The following MICAL1 variants were observed in gnomAD, a reference collection of about 807,000 sequenced individuals.
The protein encoded by MICAL1 is microtubule associated monooxygenase, calponin and LIM domain containing 1, also known as [F-actin]-monooxygenase MICAL1.
In MICAL1, 95 loss-of-function variants were observed where a neutral mutation model predicts 131.8. That is an observed-to-expected ratio of 0.72 (90% CI 0.61 to 0.86). The LOEUF is 0.86. Ranked by LOEUF, MICAL1 falls within the 40% of genes least tolerant of loss-of-function variation. The pLI is 0.00. For missense variants in MICAL1, 1,292 were observed against 1,380.6 expected, an observed-to-expected ratio of 0.94 and a Z score of 1.02; for synonymous variants, 546 against 554.2, an observed-to-expected ratio of 0.99 and a Z score of 0.21.
At position 109,455,036 on chromosome 6, in the gene MICAL1, T is replaced by A. The variant is rs1474569486; in HGVS notation, c.-44+683A>T. The A allele has an allele frequency of 6.7e-6, 1 of 148,974 alleles. No homozygotes were observed. Among genetic ancestry groups the A allele is most frequent in the Admixed American group, 6.6e-5 (1 of 15,070 alleles). 9.2% of individuals were successfully genotyped at this position (148,974 alleles called of 1,614,324 possible). A position where few individuals can be genotyped will look rare whatever the true frequency, so the allele number is the denominator to read the frequency against. ...CCCTCCCAGGTTCCCCCCTCCCTGA[T>A]CGACCCCTACCCCGCCCCGCCCCCT... On this transcript the variant is annotated intron_variant, in intron 1 of 24. Coordinates refer to ENST00000358807, the MANE Select transcript of MICAL1 (RefSeq NM_022765.4). The surrounding 1 kb of genome is among the most constrained non-coding windows in gnomAD (Gnocchi z 4.7).
At chr6:109,447,034 G>A in intron 17 of MICAL1, 39 bp downstream of exon 17, 2 of 1,604,744 alleles carry the variant, frequency 1.2e-6, no homozygotes, top group Non-Finnish European at 1.7e-6. Context: ...AGCAGGGCCA[G>A]GCCCAGAGTC....
At position 109,454,019 on chromosome 6, in the gene MICAL1, C is replaced by A. The variant is rs1410552326; in HGVS notation, c.178G>T (p.Ala60Ser). Reference protein sequence around the residue: ...KIKDQLNYWSAKSLWTKLDKR... With the variant: ...KIKDQLNYWSSKSLWTKLDKR... ...TCCAGCTTGGTCCACAGTGACTTGG[C>A]GCTCCAGTAGTTGAGCTGGTCCTTG... The change falls in exon 2 of 25, where the codon GCC becomes TCC. Residue 60 changes from alanine to serine, a missense_variant. By Grantham distance (99) the Ala-to-Ser change is moderately conservative. Transcript: ENST00000358807. 7.4e-6 allele frequency: 12 copies of A among 1,614,020 alleles called. No homozygotes were observed. The highest frequency in any genetic ancestry group is 1.0e-5 in the Non-Finnish European group (12 of 1,180,044).
upstream of MICAL1, among the ~76,000 whole-genome samples, chr6:109,456,146 C>T (rs890685911): frequency 6.6e-6 from 1 of 152,142 alleles, no homozygotes; most frequent in Non-Finnish European, 1.5e-5. Context: ...GGCTCCTTGC[C>T]GGTGCTTGCG....
chr6:109,451,435 TGA>T (rs1000628974), intron 7 of MICAL1, among the ~76,000 whole-genome samples, 163 bp downstream of exon 7: 1 of 152,196 alleles, frequency 6.6e-6, no homozygotes, highest in African/African-American at 2.4e-5. Flanking sequence ...ATTACAGGCA[TGA>T]GCCACCATGC....
chr6:109,459,336 T>G (rs982174663), upstream of MICAL1, among the ~76,000 whole-genome samples: 1 of 152,040 alleles, frequency 6.6e-6, no homozygotes, highest in Non-Finnish European at 1.5e-5. Context: ...CAGGAGGTGG[T>G]AGAAAGGATC....
At chr6:109,444,578 C>T in intron 24 of MICAL1, 147 bp downstream of exon 24, 1 of 1,071,318 alleles carries the variant, frequency 9.3e-7, no homozygotes, top group Non-Finnish European at 1.4e-6. Flanking sequence ...TGAGAAGGGG[C>T]TTTGGAGCCC....
At position 109,445,080 on chromosome 6, in the gene MICAL1, C is replaced by A. The variant is rs920833826; in HGVS notation, c.2882-85G>T. On this transcript the variant is annotated intron_variant, in intron 22 of 24. Coordinates refer to ENST00000358807, the MANE Select transcript of MICAL1 (RefSeq NM_022765.4). ...TACAGGCTTAGGGGAGACAGGAGAG[C>A]CGGGTGTCACAGGTATGTGTTAGCT... 13 of 1,571,260 alleles carry A rather than the reference C, an allele frequency of 8.3e-6. No individual in the cohort carries two copies. In the African/African-American group the frequency reaches 1.8e-4, roughly 21 times the overall value.
At chr6:109,446,038 C>T in intron 19 of MICAL1, 98 bp downstream of exon 19, 1 of 1,480,854 alleles carries the variant, frequency 6.8e-7, no homozygotes, top group Non-Finnish European at 8.9e-7. Flanking sequence ...CCTGGGATCC[C>T]CACAACTTCC....
At chr6:109,461,322 G>A (rs934432543) in intron 1 of MICAL1, among the ~76,000 whole-genome samples, 4 of 152,128 alleles carry the variant, frequency 2.6e-5, no homozygotes, top group Admixed American at 2.6e-4. Flanking sequence ...GTATTCCATG[G>A]TGTATATGTG....
intron 8 of MICAL1, 71 bp from the exon 9 acceptor site, chr6:109,450,156 C>G: frequency 1.9e-6 from 3 of 1,575,374 alleles, no homozygotes; most frequent in Non-Finnish European, 2.6e-6. Context: ...CAGATATCCA[C>G]CCAGGTCACA....
chr6:109,448,916 CT>C, intron 11 of MICAL1, 37 bp from the exon 12 acceptor site: 4 of 1,609,106 alleles, frequency 2.5e-6, no homozygotes, highest in Non-Finnish European at 3.4e-6. Flanking sequence ...AAGGCCCCCT[CT>C]GCCCATCCCA....
chr6:109,453,183 T>C (rs927780538), intron 4 of MICAL1, 80 bp downstream of exon 4: 2 of 1,157,420 alleles, frequency 1.7e-6, no homozygotes, highest in Non-Finnish European at 1.3e-6. Flanking sequence ...AAAAGGACAC[T>C]CCTGGCCCAT....
chr6:109,448,581 C>T, intron 12 of MICAL1, 151 bp downstream of exon 12: 1 of 1,331,226 alleles, frequency 7.5e-7, no homozygotes, highest in Non-Finnish European at 1.0e-6. Flanking sequence ...GGGGCCTGTG[C>T]CATTCACAAA....
At position 109,446,431 on chromosome 6, in the gene MICAL1, G is replaced by GGTCTGGTCAGTGACCTGCCCAGGGTA. The variant is rs758077822; in HGVS notation, c.2305-20_2305-19insTACCCTGGGCAGGTCACTGACCAGAC. 1.9e-5 allele frequency: 31 copies of GGTCTGGTCAGTGACCTGCCCAGGGTA among 1,610,320 alleles called. No homozygotes were observed. The highest frequency in any genetic ancestry group is 1.6e-4 in the Middle Eastern group (1 of 6,078). ...GGAGCTCCTGGAAAAGCCACCATGT[G>GGTCTGGTCAGTGACCTGCCCAGGGTA]GAGTGAGGTCGGGGGGTGAGGCCAC... is the stretch of plus-strand genomic sequence containing the variant. On this transcript the variant is annotated intron_variant, in intron 18 of 24. Coordinates refer to ENST00000358807, the MANE Select transcript of MICAL1 (RefSeq NM_022765.4).
upstream of MICAL1, chr6:109,455,871 G>A (rs1775729758): frequency 2.0e-6 from 2 of 985,440 alleles, no homozygotes; most frequent in African/African-American, 1.7e-5. This position sits in a 1 kb window ranked among gnomAD's most constrained non-coding sequence, Gnocchi z 4.7. Flanking sequence ...GCCTGGAGTC[G>A]CGCGGAGTGT....
chr6:109,451,740 A>T, intron 6 of MICAL1, 40 bp from the exon 7 acceptor site: 1 of 1,609,724 alleles, frequency 6.2e-7, no homozygotes, highest in Non-Finnish European at 8.5e-7. Context: ...ATGTCTCCTG[A>T]TAATGCATCA....
rs765286336 is a variant in MICAL1 at position 109,447,423 on chromosome 6, TG to T, written c.2003del (p.Pro668GlnfsTer15). Reference protein sequence around the residue: ...KLRLEMEAETPSTEVPPDPEP... With the variant: ...KLRLEMEAETXSTEVPPDPEP... Reference sequence around the variant, plus strand: ...CTGGGTCAGGTGGCACCTCAGTACTTGGGGTCTCGGCCTCCATCTAAGGAGG... The same window carrying T: ...CTGGGTCAGGTGGCACCTCAGTACTTGGGTCTCGGCCTCCATCTAAGGAGG... On this transcript the variant is annotated frameshift_variant, in exon 16 of 25. Transcript: ENST00000358807. LOFTEE classifies it high-confidence loss of function. 1 of 1,612,928 alleles carries T rather than the reference TG, an allele frequency of 6.2e-7. No individual in the cohort carries two copies. Among genetic ancestry groups the T allele is most frequent in the African/African-American group, 1.3e-5 (1 of 74,846 alleles).
Position 109,446,343 on chromosome 6 carries a change from C to T in MICAL1, c.2374G>A (p.Ala792Thr), listed in dbSNP as rs199624824. The change falls in exon 19 of 25, where the codon GCC (alanine) becomes ACC (threonine). Residue 792 changes from alanine (A) to threonine (T), a missense_variant. Coordinates refer to ENST00000358807, the MANE Select transcript of MICAL1 (RefSeq NM_022765.4). The part of the protein sequence containing the change: ...LSTPTASQEG[A>T]GPVPDPSQPT... ...TGGCTGGGATCTGGAACAGGACCGG[C>T]CCCCTCCTGCGAGGCTGTGGGAGTT... 1.7e-5 allele frequency: 27 copies of T among 1,613,132 alleles called. No individual in the cohort carries two copies. Among genetic ancestry groups the T allele is most frequent in the African/African-American group, 2.7e-5 (2 of 74,542 alleles).
At chr6:109,463,210 C>T (rs1347289844) in intron 1 of MICAL1, 1 of 152,266 alleles carries the variant, frequency 6.6e-6, no homozygotes, top group African/African-American at 2.4e-5. Context: ...TGCCCTCGAA[C>T]TCCTGACCTC....
Sources: gnomAD v4.1 joint callset for allele counts (sites outside exome capture counted in the v4.1 genomes callset) on GRCh38, gnomAD v4.1.1 for gene constraint, Gnocchi (gnomAD v3.1) non-coding constraint, MANE v1.5 for transcripts, NCBI Gene and HGNC (gene_info 2026-07-23, HGNC 2026-07-21) for gene names.